UNC5CL: variants seen among roughly 807,000 people sequenced by gnomAD.
UNC5CL encodes unc-5 family C-terminal like.
Under a neutral mutation model 54.1 loss-of-function variants are expected in UNC5CL, and 42 were observed. The observed-to-expected ratio is 0.78, with a 90% CI of 0.61 to 1.00. UNC5CL has a LOEUF of 1.00. Among genes scored for constraint, UNC5CL ranks in the 50% least tolerant of loss-of-function variants. UNC5CL has a pLI of 0.00. For missense variants in UNC5CL, 619 were observed against 675.6 expected (o/e 0.92, Z 0.93); for synonymous variants, 285 against 285.1 (o/e 1.00, Z 0.00).
chr6:41,032,476 G>A (rs183963977), intron 4 of UNC5CL, among the ~76,000 whole-genome samples: 351 of 152,312 alleles, frequency 2.3e-3, no homozygotes, highest in African/African-American at 3.0e-3. Context: ...AACAGACTTG[G>A]GGCCTGGTGT....
intron 4 of UNC5CL, 105 bp downstream of exon 4, chr6:41,032,779 G>A: frequency 7.0e-7 from 1 of 1,429,480 alleles, no homozygotes; most frequent in African/African-American, 1.4e-5. Flanking sequence ...AAAAGAGAGA[G>A]AGACTTGGGA....
At chr6:41,036,870 A>G (rs779025129) in intron 1 of UNC5CL, among the ~76,000 whole-genome samples, 6 of 152,072 alleles carry the variant, frequency 3.9e-5, no homozygotes, top group Non-Finnish European at 7.4e-5. Flanking sequence ...GCCAGGCCAC[A>G]GGCTGAGACT....
intron 3 of UNC5CL, 107 bp downstream of exon 3, chr6:41,033,774 C>G: frequency 2.3e-6 from 3 of 1,314,822 alleles, no homozygotes; most frequent in Non-Finnish European, 3.1e-6. Context: ...ATTTGCAGAC[C>G]ATCTTCTATA....
At position 41,028,161 on chromosome 6, in the gene UNC5CL, G is replaced by T; in HGVS notation, c.*212C>A. 1 of 579,684 alleles carries T rather than the reference G, an allele frequency of 1.7e-6. No individual in the cohort carries two copies. The highest frequency in any genetic ancestry group is 3.0e-6 in the Non-Finnish European group (1 of 334,036). The allele number at this position is 579,684 out of a possible 1,614,324, so 35.9% of individuals were successfully genotyped here. A position where few individuals can be genotyped will look rare whatever the true frequency, so the allele number is the denominator to read the frequency against. On this transcript the variant is annotated 3_prime_UTR_variant, in exon 9 of 9. Coordinates refer to ENST00000244565, the MANE Select transcript of UNC5CL (RefSeq NM_173561.3). This position sits in a 1 kb window ranked among gnomAD's most constrained non-coding sequence, Gnocchi z 4.3. ...CTCCTGGGCTCCTGCGCCCTCTGCC[G>T]GCCAGGAGGGGACCCGCACGCGGGA...
At position 41,033,954 on chromosome 6, in the gene UNC5CL, C is replaced by A. The variant is rs765900088; in HGVS notation, c.613G>T (p.Val205Leu). Reference protein sequence around the residue: ...SSNTTLLDAKVWRPLGRPGAH... With the variant: ...SSNTTLLDAKLWRPLGRPGAH... ...CCCGGCCGCCCCAGGGGCCTCCATA[C>A]CTTGGCATCCAGCAGGGTAGTGTTG... is the stretch of plus-strand genomic sequence containing the variant. Residue 205 changes from valine to leucine, a missense_variant, in exon 3 of 9, where the codon GTA becomes TTA. Transcript: ENST00000244565. 4.3e-6 allele frequency: 7 copies of A among 1,614,036 alleles called. No individual in the cohort carries two copies. Among genetic ancestry groups the A allele is most frequent in the African/African-American group, 1.3e-5 (1 of 74,926 alleles).
In UNC5CL at chr6:41,034,675, G is replaced by A. The variant is rs1762497895; in HGVS notation, c.385+15C>T. ...TGACCAACTGTATGCGGAGATGAGA[G>A]CCAGGAGCTGTTACCTGGTGGGATG... On this transcript the variant is annotated intron_variant, in intron 2 of 8. Transcript: ENST00000244565. 6.3e-7 allele frequency: 1 copy of A among 1,597,598 alleles called. No homozygotes were observed. Among genetic ancestry groups the A allele is most frequent in the Admixed American group, 1.7e-5 (1 of 59,926 alleles).
chr6:41,028,927 CTCCAAA>C lies in UNC5CL; in HGVS notation c.1335-338_1335-333del, dbSNP rs1288750786. 6.6e-6 allele frequency among the ~76,000 whole-genome samples: 1 copy of C among 151,976 alleles called. No homozygotes were observed. Among genetic ancestry groups the C allele is most frequent in the East Asian group, 1.9e-4 (1 of 5,178 alleles). ...GTAATTGCCTTCTCTACCTCCCCCACTCCAAATACACCCCTAGCCTCCCCCTAGCCT... is the reference window on the plus strand; with the variant it reads ...GTAATTGCCTTCTCTACCTCCCCCACTACACCCCTAGCCTCCCCCTAGCCT... On this transcript the variant is annotated intron_variant, in intron 8 of 8. Transcript: ENST00000244565. This position sits in a 1 kb window ranked among gnomAD's most constrained non-coding sequence, Gnocchi z 4.3.
At position 41,028,634 on chromosome 6, in the gene UNC5CL, C is replaced by G. The variant is rs539114264; in HGVS notation, c.1335-39G>C. ...GGGGAGGAAGAGAAGGGTGTAGGAG[C>G]AGGGAGGGGCTCCCCCCCTGCTGCA... On this transcript the variant is annotated intron_variant, in intron 8 of 8. Transcript: ENST00000244565. The surrounding 1 kb of genome is among the most constrained non-coding windows in gnomAD (Gnocchi z 4.3). 1 of 1,587,982 alleles carries G rather than the reference C, an allele frequency of 6.3e-7. No individual in the cohort carries two copies. The highest frequency in any genetic ancestry group is 1.7e-5 in the Admixed American group (1 of 59,286).
At chr6:41,031,185 CAA>C (rs1357281475) in intron 6 of UNC5CL, among the ~76,000 whole-genome samples, 1 of 152,130 alleles carries the variant, frequency 6.6e-6, no homozygotes, top group African/African-American at 2.4e-5. Context: ...TATGGTTCCC[CAA>C]AGACTCTCAA....
Position 41,034,797 on chromosome 6 carries a change from A to T in UNC5CL, c.278T>A (p.Val93Asp). ...LHTPTQGQTMVRQLMHKLLVF... is the reference protein window; with the variant it reads ...LHTPTQGQTMDRQLMHKLLVF... ...CAACAGTTTGTGCATCAACTGGCGG[A>T]CCATGGTCTGGCCTTGAGTGGGTGT... The change falls in exon 2 of 9, where the codon GTC becomes GAC. Residue 93 changes from valine (V) to aspartate (D), a missense_variant. Val to Asp is a radical substitution (Grantham distance 152). Transcript: ENST00000244565. 1 of 1,614,182 alleles carries T rather than the reference A, an allele frequency of 6.2e-7. No individual in the cohort carries two copies. Among genetic ancestry groups the T allele is most frequent in the Non-Finnish European group, 8.5e-7 (1 of 1,180,036 alleles).
chr6:41,038,913 G>A (rs894509390), intron 1 of UNC5CL, among the ~76,000 whole-genome samples: 2 of 152,198 alleles, frequency 1.3e-5, no homozygotes, highest in African/African-American at 2.4e-5. Flanking sequence ...CAAGTACTGG[G>A]ATGGATGGTC....
intron 1 of UNC5CL, 132 bp downstream of exon 1, chr6:41,039,030 C>T (rs1417855922): frequency 6.6e-6 from 1 of 152,394 alleles, no homozygotes; most frequent in Non-Finnish European, 1.5e-5. Flanking sequence ...ATTTTCCTCC[C>T]CTCCTCCAGC....
In UNC5CL at chr6:41,034,124, G is replaced by A. The variant is rs144296989; in HGVS notation, c.443C>T (p.Ser148Leu). 1,184 of 1,613,908 alleles carry A rather than the reference G, an allele frequency of 7.3e-4. 6 individuals are homozygous for A. In the African/African-American group the frequency reaches 0.01, roughly 14 times the overall value. The change falls in exon 3 of 9, where the codon TCG becomes TTG. Residue 148 changes from serine (S) to leucine (L), a missense_variant. Coordinates refer to ENST00000244565, the MANE Select transcript of UNC5CL (RefSeq NM_173561.3). The stretch of plus-strand genomic sequence containing the variant: ...GGCTTGGGACAGCGATGGGGCGTCC[G>A]ACAGGTCCCACACCAGGATCAAAGA... ...RVSLILVWDL[S>L]DAPSLSQAQG...
chr6:41,038,044 A>G (rs1762543284), intron 1 of UNC5CL, among the ~76,000 whole-genome samples: 1 of 152,208 alleles, frequency 6.6e-6, no homozygotes. Context: ...GGGAATTACT[A>G]AACAACTGAA....
At chr6:41,031,191 C>T (rs1314077014) in intron 6 of UNC5CL, among the ~76,000 whole-genome samples, 1 of 152,184 alleles carries the variant, frequency 6.6e-6, no homozygotes, top group Non-Finnish European at 1.5e-5. Flanking sequence ...TCCCCAAAGA[C>T]TCTCAACTCC....
In UNC5CL at chr6:41,031,675, A is replaced by G; in HGVS notation, c.1119+6T>C. The G allele has an allele frequency of 1.2e-6, 2 of 1,614,112 alleles. No individual in the cohort carries two copies. Among genetic ancestry groups the G allele is most frequent in the Non-Finnish European group, 1.7e-6 (2 of 1,179,994 alleles). ...GCCCTTCCTCTGCCCCTCAGCTCCA[A>G]CTCACATCCTGGAAGGTGTGCATGG... On this transcript the variant is annotated splice_donor_region_variant and intron_variant, in intron 6 of 8. Coordinates refer to ENST00000244565, the MANE Select transcript of UNC5CL (RefSeq NM_173561.3).
In UNC5CL at chr6:41,033,083, G is replaced by A. The variant is rs190265424; in HGVS notation, c.750C>T (p.Ala250=). The change falls in exon 4 of 9, where the codon GCC becomes GCT. Residue 250 remains alanine, a synonymous_variant. Transcript: ENST00000244565. The stretch of plus-strand genomic sequence containing the variant: ...CTGGCACCAGCGGTGAGCAGAATAC[G>A]GCCAGCTGCAGCCATTTGCGGGCTT... ...GREARKWLQL[A]VFCSPLVPGQ... is the part of the protein sequence containing the mutation. The A allele has an allele frequency of 4.6e-4, 739 of 1,612,754 alleles. 1 individual carries two copies. The highest frequency in any genetic ancestry group is 3.3e-3 in the East Asian group (147 of 44,850).
Position 41,031,977 on chromosome 6 carries a change from G to A in UNC5CL, c.1051+59C>T. On this transcript the variant is annotated intron_variant, in intron 5 of 8. Coordinates refer to ENST00000244565, the MANE Select transcript of UNC5CL (RefSeq NM_173561.3). ...AGCTCCAGGGTTACTGGGAGGGAAG[G>A]AGAGGAGACAGGATGGGAAAAGAGA... is the stretch of plus-strand genomic sequence containing the variant. The A allele has an allele frequency of 3.2e-6, 5 of 1,551,954 alleles. No homozygotes were observed. In the South Asian group the frequency reaches 4.5e-5, roughly 14 times the overall value.
At chr6:41,037,968 G>A (rs1214083581) in intron 1 of UNC5CL, among the ~76,000 whole-genome samples, 1 of 152,218 alleles carries the variant, frequency 6.6e-6, no homozygotes, top group Non-Finnish European at 1.5e-5. Context: ...TAGGAGCGAG[G>A]TGTTATTTTT....
Sources: allele counts gnomAD v4.1 joint callset (sites outside exome capture counted in the v4.1 genomes callset), GRCh38; gene constraint gnomAD v4.1.1; non-coding constraint Gnocchi (gnomAD v3.1); transcripts MANE v1.5; gene names NCBI Gene and HGNC (gene_info 2026-07-23, HGNC 2026-07-21).